Variants in BTBD9 observed in about 807,000 individuals in gnomAD.
The protein encoded by BTBD9 is BTB/POZ domain-containing protein 9.
BTBD9 carries 49 observed loss-of-function variants against 64.3 expected under a neutral mutation model. That is an observed-to-expected ratio of 0.76 (90% CI 0.61 to 0.97). The LOEUF (loss-of-function observed/expected upper bound fraction) is 0.97, where lower values mean the gene tolerates loss of function less well. Among genes scored for constraint, BTBD9 ranks in the 50% least tolerant of loss-of-function variants. The pLI is 0.00. For synonymous variants in BTBD9, 260 were observed against 274.7 expected, an observed-to-expected ratio of 0.95 and a Z score of 0.53; for missense variants, 598 against 762.1, an observed-to-expected ratio of 0.78 and a Z score of 2.53.
At chr6:38,300,925 CCT>C (rs1352146442) in intron 7 of BTBD9, among the ~76,000 whole-genome samples, 3 of 152,162 alleles carry the variant, frequency 2.0e-5, no homozygotes, top group Non-Finnish European at 2.9e-5. Context: ...AGAGGGCACC[CCT>C]GTCTTGTGCC....
intron 10 of BTBD9, among the ~76,000 whole-genome samples, chr6:38,176,218 C>T (rs538908701): frequency 1.3e-5 from 2 of 152,314 alleles, no homozygotes; most frequent in East Asian, 3.9e-4. Context: ...CACATACATA[C>T]ACACGGCCTT....
At chr6:38,619,533 A>G (rs1406581508) in intron 1 of BTBD9, among the ~76,000 whole-genome samples, 1 of 152,204 alleles carries the variant, frequency 6.6e-6, no homozygotes, top group African/African-American at 2.4e-5. Context: ...AATCACTGGA[A>G]GGCACACTGC....
chr6:38,279,763 TAA>T, intron 8 of BTBD9, among the ~76,000 whole-genome samples: 1 of 152,298 alleles, frequency 6.6e-6, no homozygotes. Flanking sequence ...GTATTTGTTT[TAA>T]AGAGTTCTTA....
intron 8 of BTBD9, among the ~76,000 whole-genome samples, chr6:38,265,655 C>T (rs1764947124): frequency 6.6e-6 from 1 of 151,948 alleles, no homozygotes; most frequent in African/African-American, 2.4e-5. Context: ...GTAGCTGAGA[C>T]TACAGGCACT....
chr6:38,418,681 C>T (rs960501545), intron 6 of BTBD9, among the ~76,000 whole-genome samples: 1 of 152,258 alleles, frequency 6.6e-6, no homozygotes, highest in Admixed American at 6.5e-5. Context: ...ATTTTAGTCC[C>T]ACAGCTATAC....
intron 7 of BTBD9, among the ~76,000 whole-genome samples, chr6:38,315,353 T>A (rs1762994152): frequency 6.6e-6 from 1 of 152,200 alleles, no homozygotes; most frequent in African/African-American, 2.4e-5. Flanking sequence ...CTTTTCTAGT[T>A]CTTTAAGATA....
chr6:38,597,702 C>T (rs987059135), intron 2 of BTBD9, among the ~76,000 whole-genome samples: 2 of 152,142 alleles, frequency 1.3e-5, no homozygotes, highest in African/African-American at 2.4e-5. Context: ...GGGAATCCTT[C>T]TAACCCTTTA....
At chr6:38,565,156 A>C (rs1386047942) in intron 6 of BTBD9, among the ~76,000 whole-genome samples, 4 of 151,990 alleles carry the variant, frequency 2.6e-5, no homozygotes, top group Non-Finnish European at 4.4e-5. Context: ...TTTCACAGCT[A>C]TTTCCTTTCA....
chr6:38,451,373 A>C (rs1312972057), intron 6 of BTBD9, among the ~76,000 whole-genome samples: 1 of 152,192 alleles, frequency 6.6e-6, no homozygotes, highest in African/African-American at 2.4e-5. Flanking sequence ...CTGTAGTCCT[A>C]GCACAGTGCT....
Position 38,341,239 on chromosome 6 carries a change from A to G in BTBD9, c.1264+3745T>C, listed in dbSNP as rs1020624273. Reference sequence around the variant, plus strand: ...CTTTGAAACAATTAGGGAAATTGGAACACTGACTGCATATTTAATGCTCTT... The same window carrying G: ...CTTTGAAACAATTAGGGAAATTGGAGCACTGACTGCATATTTAATGCTCTT... On this transcript the variant is annotated intron_variant, in intron 7 of 10. Transcript: ENST00000481247. Among the ~76,000 whole-genome samples the G allele has an allele frequency of 4.6e-5, 7 of 152,238 alleles. 1 individual carries two copies. Among genetic ancestry groups the G allele is most frequent in the African/African-American group, 2.4e-5 (1 of 41,460 alleles).
chr6:38,398,190 C>T (rs1280432699), intron 6 of BTBD9, among the ~76,000 whole-genome samples: 2 of 152,322 alleles, frequency 1.3e-5, no homozygotes, highest in South Asian at 2.1e-4. Flanking sequence ...TTGGTTCTGA[C>T]ATATCACTGG....
At chr6:38,425,737 A>G (rs896325394) in intron 6 of BTBD9, among the ~76,000 whole-genome samples, 2 of 150,654 alleles carry the variant, frequency 1.3e-5, no homozygotes, top group African/African-American at 4.9e-5. Flanking sequence ...GTGAGACCCC[A>G]TCACTACCAA....
intron 1 of BTBD9, among the ~76,000 whole-genome samples, chr6:38,632,648 G>C (rs1778401318): frequency 6.6e-6 from 1 of 152,146 alleles, no homozygotes; most frequent in Non-Finnish European, 1.5e-5. Context: ...ATAAAGAAGT[G>C]GGGCTGGGTG....
chr6:38,518,934 A>G (rs10498741), intron 6 of BTBD9, among the ~76,000 whole-genome samples: 17,115 of 152,236 alleles, frequency 0.11, 1,154 homozygotes, highest in Non-Finnish European at 0.14. Flanking sequence ...GTGATATACC[A>G]ATTAAAGAAA....
chr6:38,376,959 G>A (rs530520848), intron 6 of BTBD9, among the ~76,000 whole-genome samples: 13 of 152,208 alleles, frequency 8.5e-5, no homozygotes, highest in Admixed American at 2.0e-4. Context: ...CTCCCTGGCC[G>A]GTTATTAAAG....
intron 9 of BTBD9, among the ~76,000 whole-genome samples, chr6:38,219,083 G>A (rs1326661921): frequency 6.6e-6 from 1 of 150,890 alleles, no homozygotes; most frequent in Non-Finnish European, 1.5e-5. Flanking sequence ...GAAGGAGGAT[G>A]AGGAGAGGGA....
intron 1 of BTBD9, among the ~76,000 whole-genome samples, chr6:38,635,363 T>C (rs149728194): frequency 6.6e-6 from 1 of 152,282 alleles, no homozygotes; most frequent in African/African-American, 2.4e-5. Context: ...CTCAAACTCC[T>C]GACCTCAAGT....
rs749280771 is a variant in BTBD9, at chr6:38,598,072, C to T, written c.23G>A (p.Arg8His). ...AATTTCCCCCACTGCAGTAAAGGGGCGAAGAGGGTGGCTGTTACTCATCTT... is the reference window on the plus strand; with the variant it reads ...AATTTCCCCCACTGCAGTAAAGGGGTGAAGAGGGTGGCTGTTACTCATCTT... MSNSHPL[R>H]PFTAVGEIDH... Residue 8 changes from arginine (R) to histidine (H), a missense_variant, in exon 2 of 11, where the codon CGC (arginine) becomes CAC (histidine). Coordinates refer to ENST00000481247, the MANE Select transcript of BTBD9 (RefSeq NM_001099272.2). 3 of 1,613,508 alleles carry T rather than the reference C, an allele frequency of 1.9e-6. No homozygotes were observed. Among genetic ancestry groups the T allele is most frequent in the East Asian group, 2.2e-5 (1 of 44,870 alleles).
intron 8 of BTBD9, among the ~76,000 whole-genome samples, chr6:38,280,903 G>A (rs569976401): frequency 1.3e-5 from 2 of 152,310 alleles, no homozygotes; most frequent in South Asian, 4.1e-4. Context: ...GTCAATGAGT[G>A]TTTATTGAGT....
Sources: gnomAD v4.1 joint callset for allele counts (sites outside exome capture counted in the v4.1 genomes callset) on GRCh38, gnomAD v4.1.1 for gene constraint, MANE v1.5 for transcripts, NCBI Gene and HGNC (gene_info 2026-07-23, HGNC 2026-07-21) for gene names.